The following CIMIP2A variants were observed in gnomAD, a reference collection of about 807,000 sequenced individuals.
CIMIP2A encodes family with sequence similarity 166 member A.
the CIMIP2A span, chr9:137,245,283 G>C: frequency 6.3e-7 from 1 of 1,578,062 alleles, no homozygotes; most frequent in Non-Finnish European, 8.6e-7. Flanking sequence ...GAATGGGCTT[G>C]GCACTGGTGC....
At chr9:137,253,496 G>A in the CIMIP2A span, 16 of 1,426,864 alleles carry the variant, frequency 1.1e-5, no homozygotes, top group East Asian at 3.1e-4. Flanking sequence ...TCTGTGGTGT[G>A]CAGTTGTCTG....
chr9:137,253,386 T>C, the CIMIP2A span: 1 of 1,509,952 alleles, frequency 6.6e-7, no homozygotes, highest in Non-Finnish European at 8.8e-7. Context: ...CCCTTCTGGC[T>C]GGCCAACCCT....
At chr9:137,244,039 C>T in the CIMIP2A span, 9 of 1,037,508 alleles carry the variant, frequency 8.7e-6, no homozygotes, top group East Asian at 2.5e-5. Flanking sequence ...GACAATCCTA[C>T]CCCAACCAAG....
chr9:137,251,927 A>G, the CIMIP2A span: 16 of 1,599,550 alleles, frequency 1.0e-5, no homozygotes, highest in Middle Eastern at 1.6e-4. Context: ...CCCACCCCCA[A>G]GCTGGTCTTT....
At chr9:137,244,439 A>T in the CIMIP2A span, 10 of 1,516,724 alleles carry the variant, frequency 6.6e-6, no homozygotes, top group Non-Finnish European at 8.8e-6. Context: ...CCCCGACTCC[A>T]AAACTTGAGT....
chr9:137,245,414 A>T, the CIMIP2A span: 1 of 1,613,798 alleles, frequency 6.2e-7, no homozygotes, highest in Non-Finnish European at 8.5e-7. Context: ...CCTGGTGGGC[A>T]CGGAGGGTGC....
At chr9:137,252,909 G>C in the CIMIP2A span, 1 of 1,598,584 alleles carries the variant, frequency 6.3e-7, no homozygotes, top group Admixed American at 1.7e-5. Context: ...CAGAGCCCCC[G>C]CTCGCCGGCC....
chr9:137,246,504 C>T, the CIMIP2A span, among the ~76,000 whole-genome samples: 4 of 152,264 alleles, frequency 2.6e-5, no homozygotes, highest in Admixed American at 2.0e-4. Context: ...TGGCTCACGC[C>T]TGTCATCCCA....
the CIMIP2A span, chr9:137,251,413 G>C: frequency 6.3e-7 from 1 of 1,584,854 alleles, no homozygotes; most frequent in South Asian, 1.1e-5. Flanking sequence ...GGCGGAGAGG[G>C]GGAGAAGGGG....
At chr9:137,245,760 C>T in the CIMIP2A span, 1 of 1,574,436 alleles carries the variant, frequency 6.4e-7, no homozygotes, top group Non-Finnish European at 8.6e-7. Context: ...AGCAGGGGCT[C>T]TTCTGCACAC....
At chr9:137,247,747 TC>T in the CIMIP2A span, 12 of 1,607,586 alleles carry the variant, frequency 7.5e-6, no homozygotes, top group Non-Finnish European at 1.0e-5. Flanking sequence ...CTGGCTCCAG[TC>T]CCTCCCGGCA....
chr9:137,252,246 C>T, the CIMIP2A span: 14 of 1,447,976 alleles, frequency 9.7e-6, no homozygotes, highest in Non-Finnish European at 1.2e-5. Context: ...CTCCACCCTT[C>T]CCTGCGTTCA....
the CIMIP2A span, chr9:137,251,859 T>C: frequency 6.2e-7 from 1 of 1,607,850 alleles, no homozygotes; most frequent in Non-Finnish European, 8.5e-7. Context: ...CCCCCAGGAG[T>C]CCCTGCCCAC....
At chr9:137,251,933 T>C in the CIMIP2A span, 1 of 1,597,898 alleles carries the variant, frequency 6.3e-7, no homozygotes, top group Non-Finnish European at 8.5e-7. Context: ...CCCAAGCTGG[T>C]CTTTGGGGGG....
the CIMIP2A span, chr9:137,251,373 G>A: frequency 1.1e-5 from 18 of 1,613,214 alleles, no homozygotes; most frequent in South Asian, 1.8e-4. Context: ...GTCACCTGAG[G>A]CAGACACAAC....
At chr9:137,247,612 C>T in the CIMIP2A span, 6 of 1,575,966 alleles carry the variant, frequency 3.8e-6, no homozygotes, top group East Asian at 2.2e-5. Flanking sequence ...CCATTCTCCC[C>T]CTCCTGCAGC....
the CIMIP2A span, chr9:137,244,288 A>T: frequency 6.2e-7 from 1 of 1,613,634 alleles, no homozygotes; most frequent in Non-Finnish European, 8.5e-7. Context: ...CTAAACAGGA[A>T]CTGGGGAGAC....
At chr9:137,252,190 T>TG in the CIMIP2A span, 7 of 1,567,014 alleles carry the variant, frequency 4.5e-6, no homozygotes, top group Non-Finnish European at 4.3e-6. Flanking sequence ...ACCCTGGGAA[T>TG]GGGGGCCTTT....
the CIMIP2A span, chr9:137,251,658 A>C: frequency 6.7e-7 from 1 of 1,487,838 alleles, no homozygotes; most frequent in Non-Finnish European, 9.0e-7. Context: ...GGGCTGAGGG[A>C]CAATAGAGGG....
Sources: allele counts gnomAD v4.1 joint callset (sites outside exome capture counted in the v4.1 genomes callset), GRCh38; gene constraint gnomAD v4.1.1; transcripts MANE v1.5; gene names NCBI Gene and HGNC (gene_info 2026-07-23, HGNC 2026-07-21).